The following B4GALNT4 variants were observed in gnomAD, a reference collection of about 807,000 sequenced individuals.
B4GALNT4 encodes beta-1,4-N-acetyl-galactosaminyltransferase 4, also known as N-acetyl-beta-glucosaminyl-glycoprotein 4-beta-N-acetylgalactosaminyltransferase 1.
B4GALNT4 carries 77 observed loss-of-function variants against 110.0 expected under a neutral mutation model. The ratio of observed to expected loss-of-function variants is 0.70; its 90% CI spans 0.58 to 0.85. The LOEUF (loss-of-function observed/expected upper bound fraction) is 0.85. Among genes scored for constraint, B4GALNT4 ranks in the 40% least tolerant of loss-of-function variants. The pLI, the probability that B4GALNT4 is intolerant of heterozygous loss-of-function variation, is 0.00. For synonymous variants in B4GALNT4, 785 were observed against 655.5 expected (o/e 1.20, Z -3.02); for missense variants, 1,575 against 1,506.0 (o/e 1.05, Z -0.76).
At chr11:375,425 G>T (rs1202829307) in intron 8 of B4GALNT4, 36 bp from the exon 9 acceptor site, 2 of 1,608,548 alleles carry the variant, frequency 1.2e-6, no homozygotes, top group South Asian at 1.1e-5. Flanking sequence ...CCCAGCCACC[G>T]CCCTGTCCCT....
At chr11:380,537 GGGGAGGCCT>G (rs1846853999) in intron 18 of B4GALNT4, 92 bp downstream of exon 18, 2 of 1,491,426 alleles carry the variant, frequency 1.3e-6, no homozygotes, top group Middle Eastern at 1.7e-4. Context: ...TCAATTCCCA[GGGGAGGCCT>G]GGGAGTCCAT....
chr11:372,036 C>A, intron 1 of B4GALNT4, 73 bp from the exon 2 acceptor site: 2 of 1,311,282 alleles, frequency 1.5e-6, no homozygotes, highest in Non-Finnish European at 2.1e-6. Context: ...CCTGGCCCAG[C>A]TGAACCCAGC....
Position 381,690 on chromosome 11 carries a change from G to A in B4GALNT4, c.3018G>A (p.Glu1006=), listed in dbSNP as rs766808864. ...CCAGGGTCCTGCAGGCAGGGCTGGAGGTGGAGCGGCTCCGACTGCGGAATT... is the reference window on the plus strand; with the variant it reads ...CCAGGGTCCTGCAGGCAGGGCTGGAAGTGGAGCGGCTCCGACTGCGGAATT... ...LLDRVLQAGL[E]VERLRLRNFY... The change falls in exon 20 of 20, where the codon GAG becomes GAA. Residue 1006 remains glutamate (E), a synonymous_variant. Transcript: ENST00000329962. The A allele has an allele frequency of 3.2e-5, 51 of 1,593,226 alleles. No individual in the cohort carries two copies. In the East Asian group the frequency reaches 5.2e-4, roughly 16 times the overall value.
chr11:369,740 G>A lies in B4GALNT4; in HGVS notation c.-64G>A. ...GCGGGCCGGGGATGCGGCGCGGGGCGGGCGGGGGCCGGGGGCTGCAGCGGC... is the reference window on the plus strand; with the variant it reads ...GCGGGCCGGGGATGCGGCGCGGGGCAGGCGGGGGCCGGGGGCTGCAGCGGC... On this transcript the variant is annotated 5_prime_UTR_variant, in exon 1 of 20. Transcript: ENST00000329962. The A allele has an allele frequency of 1.2e-6, 1 of 837,966 alleles. No homozygotes were observed. Among genetic ancestry groups the A allele is most frequent in the African/African-American group, 1.9e-5 (1 of 53,088 alleles). 51.9% of individuals were successfully genotyped at this position (837,966 alleles called of 1,614,324 possible).
chr11:373,977 C>T lies in B4GALNT4; in HGVS notation c.783+149C>T. On this transcript the variant is annotated intron_variant, in intron 8 of 19. Transcript: ENST00000329962. ...GGTCAGGAGGGTCTGCTCTGCCCTC[C>T]TGGGGGGCTCGGTGAGGCTTCACTA... The T allele has an allele frequency of 5.4e-6, 4 of 736,740 alleles. No homozygotes were observed. The South Asian group carries it at 7.2e-5, about 13-fold the overall frequency. 45.6% of individuals were successfully genotyped at this position (736,740 alleles called of 1,614,324 possible).
chr11:375,702 G>T lies in B4GALNT4; in HGVS notation c.914G>T (p.Gly305Val), dbSNP rs770796581. 6.6e-5 allele frequency: 105 copies of T among 1,594,274 alleles called. No individual in the cohort carries two copies. The highest frequency in any genetic ancestry group is 8.0e-5 in the Non-Finnish European group (94 of 1,175,042). ...CCCCAGTCTCCAGCCAGCCACGTGG[G>T]GGGGCGTCCGCCGCAGGAGGAGACC... ...HVPQSPASHV[G>V]GRPPQEETSA... is the part of the protein sequence containing the mutation. The change falls in exon 10 of 20, where the codon GGG (glycine) becomes GTG (valine). Residue 305 changes from glycine (G) to valine (V), a missense_variant. Transcript: ENST00000329962.
At chr11:373,656 G>T in intron 7 of B4GALNT4, 94 bp from the exon 8 acceptor site, 1 of 1,527,876 alleles carries the variant, frequency 6.5e-7, no homozygotes, top group South Asian at 1.1e-5. Flanking sequence ...CTGAGGGCCA[G>T]CCCTGAGGGG....
intron 6 of B4GALNT4, 46 bp from the exon 7 acceptor site, chr11:373,403 A>ACTGGGGGG: frequency 4.0e-6 from 5 of 1,259,482 alleles, no homozygotes; most frequent in Middle Eastern, 2.0e-4. Flanking sequence ...CCAGGGAGAG[A>ACTGGGGGG]GTGAACCCCC....
At chr11:377,622 C>T (rs541843796) in intron 14 of B4GALNT4, among the ~76,000 whole-genome samples, 2 of 152,338 alleles carry the variant, frequency 1.3e-5, no homozygotes, top group African/African-American at 4.8e-5. Flanking sequence ...TGGACCTGGG[C>T]CCAGGGATGA....
chr11:372,182 C>T lies in B4GALNT4; in HGVS notation c.225C>T (p.Asp75=). Residue 75 remains aspartate (D), a synonymous_variant, in exon 2 of 20, where the codon GAC becomes GAT. Coordinates refer to ENST00000329962, the MANE Select transcript of B4GALNT4 (RefSeq NM_178537.5). ...CGCCATCCACACAGAGGGCTGAGGACTCCAGTGAGAGCCGTGAAGAGGAGC... is the reference window on the plus strand; with the variant it reads ...CGCCATCCACACAGAGGGCTGAGGATTCCAGTGAGAGCCGTGAAGAGGAGC... ...HAAPSTQRAE[D]SSESREEEQA... is the part of the protein sequence containing the mutation. 3 of 1,550,130 alleles carry T rather than the reference C, an allele frequency of 1.9e-6. No individual in the cohort carries two copies. Among genetic ancestry groups the T allele is most frequent in the Non-Finnish European group, 2.6e-6 (3 of 1,146,838 alleles).
chr11:373,805 G>A lies in B4GALNT4; in HGVS notation c.760G>A (p.Gly254Ser), dbSNP rs1846669699. Residue 254 changes from glycine (G) to serine (S), a missense_variant, in exon 8 of 20, where the codon GGC becomes AGC. Gly to Ser is a moderately conservative substitution (Grantham distance 56). Transcript: ENST00000329962. ...FELLHKQDDR[G>S]SDHVEVGWRA... ...GTTGCTGCACAAGCAGGACGACCGCGGCTCGGACCACGTGGAAGTGGGCGT... is the reference window on the plus strand; with the variant it reads ...GTTGCTGCACAAGCAGGACGACCGCAGCTCGGACCACGTGGAAGTGGGCGT... 1 of 1,612,134 alleles carries A rather than the reference G, an allele frequency of 6.2e-7. No individual in the cohort carries two copies. The highest frequency in any genetic ancestry group is 2.2e-5 in the East Asian group (1 of 44,844).
Position 375,472 on chromosome 11 carries a change from C to G in B4GALNT4, c.795C>G (p.Phe265Leu). 6.2e-7 allele frequency: 1 copy of G among 1,611,888 alleles called. No homozygotes were observed. Among genetic ancestry groups the G allele is most frequent in the Non-Finnish European group, 8.5e-7 (1 of 1,179,780 alleles). Residue 265 changes from phenylalanine (F) to leucine (L), a missense_variant, in exon 9 of 20, where the codon TTC (phenylalanine) becomes TTG (leucine). Physicochemically the swap from Phe to Leu is conservative, Grantham distance 22. Transcript: ENST00000329962. ...TCTCTGCCCCGCAGTGGCGAGCTTT[C>G]CTGCCCGGCCTGAAGTTCGAGGTCA... is the stretch of plus-strand genomic sequence containing the variant. ...SDHVEVGWRA[F>L]LPGLKFEVIS...
rs1846836953 is a variant in B4GALNT4, at chr11:379,879, A to G, written c.2502A>G (p.Ala834=). ...TTTCTCCTCCAGTGAAAAACCAGGCACGGTGGGTGGCACAGTTCCTGGCGG... is the reference window on the plus strand; with the variant it reads ...TTTCTCCTCCAGTGAAAAACCAGGCGCGGTGGGTGGCACAGTTCCTGGCGG... ...VHFIVPVKNQ[A]RWVAQFLADM... The change falls in exon 16 of 20, where the codon GCA becomes GCG. Residue 834 remains alanine, a synonymous_variant. Coordinates refer to ENST00000329962, the MANE Select transcript of B4GALNT4 (RefSeq NM_178537.5). 3.8e-6 allele frequency: 6 copies of G among 1,596,206 alleles called. No homozygotes were observed. The highest frequency in any genetic ancestry group is 5.1e-6 in the Non-Finnish European group (6 of 1,171,030).
chr11:373,855 T>C, intron 8 of B4GALNT4, 27 bp downstream of exon 8: 1 of 1,606,144 alleles, frequency 6.2e-7, no homozygotes, highest in Non-Finnish European at 8.5e-7. Flanking sequence ...CCTGGGGGCT[T>C]CTGGAGACTC....
rs961960202 is a variant in B4GALNT4, at chr11:375,647, G to C, written c.859G>C (p.Ala287Pro). The change falls in exon 10 of 20, where the codon GCC (alanine) becomes CCC (proline). Residue 287 changes from alanine (A) to proline (P), a missense_variant. Ala to Pro is a conservative substitution (Grantham distance 27). Transcript: ENST00000329962. Reference protein sequence around the residue: ...AHISLYTDESALKMDHVAHVP... With the variant: ...AHISLYTDESPLKMDHVAHVP... The stretch of plus-strand genomic sequence containing the variant: ...AACTCTTCTGCCCCCAGATGAGTCA[G>C]CCTTGAAGATGGACCACGTGGCGCA... The C allele has an allele frequency of 6.3e-7, 1 of 1,592,354 alleles. No individual in the cohort carries two copies. Among genetic ancestry groups the C allele is most frequent in the East Asian group, 2.2e-5 (1 of 44,648 alleles).
At chr11:373,896 C>T in intron 8 of B4GALNT4, 68 bp downstream of exon 8, 1 of 1,492,726 alleles carries the variant, frequency 6.7e-7, no homozygotes, top group Non-Finnish European at 9.2e-7. Context: ...AGGACAACCG[C>T]AATGGGGTCC....
chr11:378,997 G>C (rs1414380819), intron 14 of B4GALNT4, among the ~76,000 whole-genome samples: 1 of 152,142 alleles, frequency 6.6e-6, no homozygotes, highest in Admixed American at 6.5e-5. Flanking sequence ...CAGTATGAGG[G>C]GAAGGTTGAA....
rs567382174 is a variant in B4GALNT4, at chr11:379,951, C to T, written c.2574C>T (p.Val858=). 5.1e-5 allele frequency: 82 copies of T among 1,612,372 alleles called. No individual in the cohort carries two copies. Among genetic ancestry groups the T allele is most frequent in the Non-Finnish European group, 6.2e-5 (73 of 1,179,850 alleles). The change falls in exon 16 of 20, where the codon GTC becomes GTT. Residue 858 remains valine, a synonymous_variant. Transcript: ENST00000329962. ...HARTGDSRFS[V]VLVDFESEDM... ...GCACCGGGGACTCGCGTTTCAGCGTCGTCCTGGTGGATTTCGAGAGCGAGG... is the reference window on the plus strand; with the variant it reads ...GCACCGGGGACTCGCGTTTCAGCGTTGTCCTGGTGGATTTCGAGAGCGAGG...
At position 381,657 on chromosome 11, in the gene B4GALNT4, C is replaced by A. The variant is rs761956465; in HGVS notation, c.2997-12C>A. The A allele has an allele frequency of 4.4e-6, 7 of 1,579,176 alleles. No homozygotes were observed. Among genetic ancestry groups the A allele is most frequent in the Non-Finnish European group, 6.0e-6 (7 of 1,164,554 alleles). On this transcript the variant is annotated splice_polypyrimidine_tract_variant and intron_variant, in intron 19 of 19. Transcript: ENST00000329962. ...CCCGGGGTCCTGACCACCTCTCTGC[C>A]CCCGGCCCCAGGGTCCTGCAGGCAG...
Sources: allele counts gnomAD v4.1 joint callset (sites outside exome capture counted in the v4.1 genomes callset), GRCh38; gene constraint gnomAD v4.1.1; transcripts MANE v1.5; gene names NCBI Gene and HGNC (gene_info 2026-07-23, HGNC 2026-07-21).